Variants in THAP8 observed in about 807,000 individuals in gnomAD.
The protein encoded by THAP8 is THAP domain containing 8, also known as THAP domain-containing protein 8.
A neutral mutation model predicts 25.0 loss-of-function variants in THAP8; 24 were observed. That is an observed-to-expected ratio of 0.96 (90% CI 0.69 to 1.35). The LOEUF is 1.35. Among genes scored for constraint, THAP8 ranks in the 40% most tolerant of loss-of-function variants. The pLI, the probability that THAP8 is intolerant of heterozygous loss-of-function variation, is 0.00. For synonymous variants in THAP8, 169 were observed against 157.6 expected, an observed-to-expected ratio of 1.07 and a Z score of -0.54; for missense variants, 399 against 368.8, an observed-to-expected ratio of 1.08 and a Z score of -0.67.
chr19:36,035,163 T>C lies in THAP8; in HGVS notation c.*277A>G, dbSNP rs776686752. 8 of 355,618 alleles carry C rather than the reference T, an allele frequency of 2.2e-5. No homozygotes were observed. Among genetic ancestry groups the C allele is most frequent in the Non-Finnish European group, 2.6e-5 (5 of 195,924 alleles). 22.0% of individuals were successfully genotyped at this position (355,618 alleles called of 1,614,324 possible). On this transcript the variant is annotated 3_prime_UTR_variant, in exon 4 of 4. Coordinates refer to ENST00000292894, the MANE Select transcript of THAP8 (RefSeq NM_152658.3). The stretch of plus-strand genomic sequence containing the variant: ...CAGGTATGATTCTCCCAAACAACCC[T>C]TGCTCTGCTCTGAGGCTGTCGTACT...
At chr19:36,054,616 C>T, upstream of THAP8, 2 of 545,246 alleles carry the variant, frequency 3.7e-6, no homozygotes, top group East Asian at 3.2e-5. Context: ...CACATAGTTC[C>T]TCTAGGTGGC....
intron 1 of THAP8, among the ~76,000 whole-genome samples, chr19:36,052,325 G>T (rs547960588): frequency 4.6e-5 from 7 of 152,202 alleles, no homozygotes; most frequent in Non-Finnish European, 1.0e-4. Context: ...TTACAGGCAT[G>T]AGCCACTGTG....
At chr19:36,037,855 G>C (rs1424688689) in intron 3 of THAP8, among the ~76,000 whole-genome samples, 1 of 152,026 alleles carries the variant, frequency 6.6e-6, no homozygotes, top group Admixed American at 6.6e-5. Flanking sequence ...GGCCAGGCTG[G>C]TCTCGAACTC....
At chr19:36,042,324 AC>A (rs1272411350) in intron 1 of THAP8, among the ~76,000 whole-genome samples, 1 of 151,868 alleles carries the variant, frequency 6.6e-6, no homozygotes, top group African/African-American at 2.4e-5. Context: ...ATATTTGCAC[AC>A]CTGCGTTCGT....
chr19:36,035,342 AC>A lies in THAP8; in HGVS notation c.*97del, dbSNP rs145403893. The A allele has an allele frequency of 3.9e-3, 5,703 of 1,474,254 alleles. 193 individuals carry two copies. The African/African-American group carries it at 0.072, about 19-fold the overall frequency. 91.3% of individuals were successfully genotyped at this position (1,474,254 alleles called of 1,614,324 possible). On this transcript the variant is annotated 3_prime_UTR_variant, in exon 4 of 4. Transcript: ENST00000292894. ...GGCCCTTGAGGGAGGCACTGCTACT[AC>A]CCAGGCGTGGGCGGTGGGGCTGGGC...
intron 1 of THAP8, among the ~76,000 whole-genome samples, chr19:36,047,847 A>G (rs1218590277): frequency 6.6e-6 from 1 of 150,406 alleles, no homozygotes; most frequent in East Asian, 1.9e-4. Flanking sequence ...AAAAGAAAGA[A>G]AAATAGTGAT....
chr19:36,051,794 C>T (rs1970061902), intron 1 of THAP8, among the ~76,000 whole-genome samples: 1 of 152,090 alleles, frequency 6.6e-6, no homozygotes, highest in African/African-American at 2.4e-5. Flanking sequence ...AGGCTACAGA[C>T]GGGTACCAGT....
At chr19:36,048,865 C>A (rs117250620) in intron 1 of THAP8, among the ~76,000 whole-genome samples, 22,312 of 117,916 alleles carry the variant, frequency 0.19, 2,726 homozygotes, top group African/African-American at 0.34. Flanking sequence ...AACAAAAAAA[C>A]AAAAAACACC....
At chr19:36,036,516 T>C (rs1352558801) in intron 3 of THAP8, among the ~76,000 whole-genome samples, 1 of 152,056 alleles carries the variant, frequency 6.6e-6, no homozygotes, top group Admixed American at 6.6e-5. Flanking sequence ...GTCATCTACC[T>C]GCTTCAGCCT....
intron 1 of THAP8, chr19:36,045,934 C>T (rs1969865420): frequency 2.2e-6 from 1 of 454,826 alleles, no homozygotes; most frequent in South Asian, 1.6e-5. Flanking sequence ...TTGTTTTAAG[C>T]CACCAAGTTT....
intron 1 of THAP8, among the ~76,000 whole-genome samples, chr19:36,052,873 A>G (rs1970093872): frequency 6.6e-6 from 1 of 152,206 alleles, no homozygotes; most frequent in Admixed American, 6.5e-5. Context: ...AGAAAGCAGT[A>G]GACACTCAAA....
rs765755522 is a variant in THAP8, at chr19:36,035,518, C to G, written c.747G>C (p.Met249Ile). Residue 249 changes from methionine to isoleucine, a missense_variant, in exon 4 of 4, where the codon ATG becomes ATC. Physicochemically the swap from Met to Ile is conservative, Grantham distance 10. Coordinates refer to ENST00000292894, the MANE Select transcript of THAP8 (RefSeq NM_152658.3). ...CAGGTGCAGGGTCCTGGGCAAGGAC[C>G]ATGGCTATGTCAGGCCCTCCACAGA... is the stretch of plus-strand genomic sequence containing the variant. ...TIICGGPDIA[M>I]VLAQDPAPAT... 6.2e-7 allele frequency: 1 copy of G among 1,614,152 alleles called. No individual in the cohort carries two copies. The highest frequency in any genetic ancestry group is 8.5e-7 in the Non-Finnish European group (1 of 1,180,020).
intron 1 of THAP8, among the ~76,000 whole-genome samples, chr19:36,051,893 C>T (rs1311519644): frequency 2.0e-5 from 3 of 152,108 alleles, no homozygotes; most frequent in Non-Finnish European, 4.4e-5. Flanking sequence ...TATTTACAGC[C>T]ACTCCCCACT....
At chr19:36,044,802 CTT>C (rs1568553289) in intron 1 of THAP8, among the ~76,000 whole-genome samples, 1 of 152,156 alleles carries the variant, frequency 6.6e-6, no homozygotes, top group Non-Finnish European at 1.5e-5. Context: ...CCTGCTCTCT[CTT>C]TGTTGAAAAG....
chr19:36,037,266 A>G (rs1190578010), intron 3 of THAP8, among the ~76,000 whole-genome samples: 1 of 110,636 alleles, frequency 9.0e-6, no homozygotes, highest in Admixed American at 8.9e-5. Flanking sequence ...ACACACACAC[A>G]CACACACACA....
upstream of THAP8, chr19:36,054,472 C>G (rs1305432998): frequency 1.7e-6 from 1 of 587,792 alleles, no homozygotes; most frequent in Non-Finnish European, 3.0e-6. Flanking sequence ...GGCCCTTCGT[C>G]ACCCCGACTT....
At chr19:36,054,289 C>G, upstream of THAP8, 1 of 1,513,782 alleles carries the variant, frequency 6.6e-7, no homozygotes, top group Non-Finnish European at 9.0e-7. Flanking sequence ...GCCGCCTAAC[C>G]CCGCCCCACC....
intron 1 of THAP8, among the ~76,000 whole-genome samples, chr19:36,053,751 T>C (rs535884472): frequency 6.6e-6 from 1 of 152,220 alleles, no homozygotes; most frequent in East Asian, 1.9e-4. Flanking sequence ...GCTACTAAGA[T>C]AAGACAGACT....
Position 36,054,176 on chromosome 19 carries a change from C to G in THAP8, c.42G>C (p.Ala14=), listed in dbSNP as rs770354761. 6.2e-7 allele frequency: 1 copy of G among 1,613,832 alleles called. No homozygotes were observed. Among genetic ancestry groups the G allele is most frequent in the South Asian group, 1.1e-5 (1 of 91,058 alleles). Residue 14 remains alanine, a synonymous_variant, in exon 1 of 4, where the codon GCG becomes GCC. Transcript: ENST00000292894. ...YCRAPNCSNT[A]GRLGADNRPV... is the part of the protein sequence containing the mutation. ...GGCGGTTGTCTGCACCCAGGCGGCC[C>G]GCAGTGTTGGAGCAGTTCGGCGCCC...
Sources: allele counts gnomAD v4.1 joint callset (sites outside exome capture counted in the v4.1 genomes callset), GRCh38; gene constraint gnomAD v4.1.1; transcripts MANE v1.5; gene names NCBI Gene and HGNC (gene_info 2026-07-23, HGNC 2026-07-21).